CSMD1: variants seen among roughly 807,000 people sequenced by gnomAD.
The protein encoded by CSMD1 is CUB and sushi domain-containing protein 1.
In CSMD1, 213 loss-of-function variants were observed where a neutral mutation model predicts 417.5. The observed-to-expected ratio is 0.51, with a 90% CI of 0.46 to 0.57. CSMD1 has a LOEUF of 0.57. CSMD1 is among the 20% of genes least tolerant of loss of function. CSMD1 has a pLI of 0.00. For synonymous variants in CSMD1, 2,862 were observed against 1,736.8 expected, an observed-to-expected ratio of 1.65 and a Z score of -16.11; for missense variants, 6,923 against 4,529.7, an observed-to-expected ratio of 1.53 and a Z score of -15.17.
intron 3 of CSMD1, among the ~76,000 whole-genome samples, chr8:4,345,363 C>T (rs1239291178): frequency 2.0e-5 from 3 of 152,006 alleles, no homozygotes; most frequent in South Asian, 2.1e-4. Context: ...TTATTTTTGA[C>T]ATGTAATTAT....
intron 3 of CSMD1, among the ~76,000 whole-genome samples, chr8:4,282,262 GT>G (rs1376734044): frequency 6.6e-6 from 1 of 152,156 alleles, no homozygotes; most frequent in Non-Finnish European, 1.5e-5. Context: ...TATAATCCAT[GT>G]GAACCTGTCA....
chr8:4,078,486 G>C (rs755367188), intron 3 of CSMD1, among the ~76,000 whole-genome samples: 1 of 151,470 alleles, frequency 6.6e-6, no homozygotes, highest in Non-Finnish European at 1.5e-5. Flanking sequence ...GGATGGTCTC[G>C]ATCTCCTGAC....
chr8:4,651,166 T>A (rs185086227), intron 1 of CSMD1, among the ~76,000 whole-genome samples: 70 of 152,106 alleles, frequency 4.6e-4, no homozygotes, highest in African/African-American at 1.6e-3. Context: ...AGAAAAAAAA[T>A]CAAATTATTG....
chr8:3,452,915 T>C (rs1198265554), intron 12 of CSMD1, among the ~76,000 whole-genome samples: 1 of 152,230 alleles, frequency 6.6e-6, no homozygotes, highest in Non-Finnish European at 1.5e-5. Context: ...CTTGTATCTC[T>C]GGTAGAATTC....
chr8:3,176,759 T>C (rs1401189126), intron 37 of CSMD1, among the ~76,000 whole-genome samples: 1 of 148,422 alleles, frequency 6.7e-6, no homozygotes. Context: ...TTTCCTTTTC[T>C]TTCTTTCTTT....
At chr8:4,947,337 A>T (rs546971845) in intron 1 of CSMD1, among the ~76,000 whole-genome samples, 1 of 152,278 alleles carries the variant, frequency 6.6e-6, no homozygotes, top group South Asian at 2.1e-4. Flanking sequence ...TCTCCCAGTT[A>T]AAATGCATAA....
At chr8:3,757,974 C>T (rs1054383749) in intron 5 of CSMD1, among the ~76,000 whole-genome samples, 2 of 152,044 alleles carry the variant, frequency 1.3e-5, no homozygotes, top group South Asian at 2.1e-4. Context: ...TGCACAAATT[C>T]CTTTTATTTT....
intron 7 of CSMD1, among the ~76,000 whole-genome samples, chr8:3,670,463 A>G (rs1208142622): frequency 1.3e-5 from 2 of 149,682 alleles, no homozygotes; most frequent in Non-Finnish European, 1.5e-5. Context: ...TATCCCATAT[A>G]TATGTATCCC....
intron 5 of CSMD1, among the ~76,000 whole-genome samples, chr8:3,867,510 A>G (rs1049624476): frequency 2.6e-5 from 4 of 152,170 alleles, no homozygotes; most frequent in African/African-American, 9.6e-5. Flanking sequence ...AATAAAACAG[A>G]TATGTTTTAA....
rs111443303 is a variant in CSMD1 at position 3,243,059 on chromosome 8, A to C, written c.4154-12828T>G. 4.3e-3 allele frequency among the ~76,000 whole-genome samples: 653 copies of C among 152,204 alleles called. 8 individuals carry two copies. Among genetic ancestry groups the C allele is most frequent in the African/African-American group, 0.015 (614 of 41,536 alleles). On this transcript the variant is annotated intron_variant, in intron 26 of 69. Coordinates refer to ENST00000635120, the MANE Select transcript of CSMD1 (RefSeq NM_033225.6). ...TCTCCTTTGTCTCTACCAGAAAATGAAAGGAATTGAAATTAACAGAAGGGA... is the reference window on the plus strand; with the variant it reads ...TCTCCTTTGTCTCTACCAGAAAATGCAAGGAATTGAAATTAACAGAAGGGA...
At chr8:4,906,343 C>T (rs1256785114) in intron 1 of CSMD1, among the ~76,000 whole-genome samples, 2 of 152,128 alleles carry the variant, frequency 1.3e-5, no homozygotes, top group Non-Finnish European at 2.9e-5. Context: ...TCCTTTAAAA[C>T]ACATTCTTGC....
chr8:3,690,702 G>T (rs769543769), intron 7 of CSMD1, among the ~76,000 whole-genome samples: 2 of 152,090 alleles, frequency 1.3e-5, no homozygotes, highest in Non-Finnish European at 1.5e-5. Flanking sequence ...TACATAAAGC[G>T]CATAGCTGAT....
intron 46 of CSMD1, among the ~76,000 whole-genome samples, chr8:3,098,735 G>A (rs1241360360): frequency 3.3e-5 from 5 of 152,110 alleles, no homozygotes; most frequent in African/African-American, 1.2e-4. Flanking sequence ...CCGTGCCTGT[G>A]TATATCTGTG....
intron 68 of CSMD1, among the ~76,000 whole-genome samples, chr8:2,944,452 C>A (rs571815045): frequency 1.3e-5 from 2 of 152,260 alleles, no homozygotes; most frequent in South Asian, 4.1e-4. Flanking sequence ...TCAGATGGCA[C>A]CAACTTCATG....
intron 23 of CSMD1, among the ~76,000 whole-genome samples, chr8:3,334,754 C>T (rs1048717843): frequency 3.3e-5 from 5 of 152,226 alleles, no homozygotes; most frequent in African/African-American, 1.2e-4. Context: ...TTTTATTTCA[C>T]ATTGAATTTG....
chr8:4,168,619 T>C (rs375014865), intron 3 of CSMD1, among the ~76,000 whole-genome samples: 2 of 152,192 alleles, frequency 1.3e-5, no homozygotes, highest in East Asian at 1.9e-4. Flanking sequence ...GTGTGCAAGA[T>C]GAACATCTTA....
Position 3,365,525 on chromosome 8 carries a change from T to C in CSMD1, c.3115+1507A>G, listed in dbSNP as rs1217129577. 3.9e-5 allele frequency among the ~76,000 whole-genome samples: 6 copies of C among 152,350 alleles called. No individual in the cohort carries two copies. The South Asian group carries it at 1.2e-3, about 32-fold the overall frequency. The stretch of plus-strand genomic sequence containing the variant: ...GAATCCATTTATACATGAATTGTTT[T>C]CAATAAATACATTGACAATTTTTTG... On this transcript the variant is annotated intron_variant, in intron 20 of 69. Coordinates refer to ENST00000635120, the MANE Select transcript of CSMD1 (RefSeq NM_033225.6).
chr8:3,760,000 C>G (rs1233382387), intron 5 of CSMD1, among the ~76,000 whole-genome samples: 1 of 151,766 alleles, frequency 6.6e-6, no homozygotes, highest in Non-Finnish European at 1.5e-5. Context: ...TGACCATTTT[C>G]TCTCCTGATG....
chr8:4,421,773 A>G (rs919323481), intron 2 of CSMD1, among the ~76,000 whole-genome samples: 2 of 152,004 alleles, frequency 1.3e-5, no homozygotes, highest in African/African-American at 4.8e-5. Context: ...CAAGAACTAT[A>G]AAAGAAAAAA....
Sources: allele counts gnomAD v4.1 joint callset (sites outside exome capture counted in the v4.1 genomes callset), GRCh38; gene constraint gnomAD v4.1.1; transcripts MANE v1.5; gene names NCBI Gene and HGNC (gene_info 2026-07-23, HGNC 2026-07-21).